NPR1: variants seen among roughly 807,000 people sequenced by gnomAD.
NPR1 encodes atrial natriuretic peptide receptor 1.
A neutral mutation model predicts 116.9 loss-of-function variants in NPR1; 57 were observed. The ratio of observed to expected loss-of-function variants is 0.49; its 90% confidence interval spans 0.39 to 0.61. The LOEUF (loss-of-function observed/expected upper bound fraction) is 0.61, where lower values mean the gene tolerates loss of function less well. Ranked by LOEUF, NPR1 falls within the 20% of genes least tolerant of loss-of-function variation. The pLI, the probability that NPR1 is intolerant of heterozygous loss-of-function variation, is 0.00. For synonymous variants in NPR1, 555 were observed against 601.6 expected (o/e 0.92, Z 1.13); for missense variants, 1,096 against 1,409.8 (o/e 0.78, Z 3.56).
At position 153,690,348 on chromosome 1, in the gene NPR1, C is replaced by A; in HGVS notation, c.2997C>A (p.Val999=). The change falls in exon 20 of 22, where the codon GTC becomes GTA. Residue 999 remains valine (V), a synonymous_variant. Transcript: ENST00000368680. ...GTTACTGTCTCTTTGGGGATACAGT[C>A]AACACAGCCTCAAGAATGGAGTCTA... ...MPRYCLFGDT[V]NTASRMESNG... The A allele has an allele frequency of 6.4e-7, 1 of 1,560,368 alleles. No individual in the cohort carries two copies. Among genetic ancestry groups the A allele is most frequent in the Non-Finnish European group, 8.7e-7 (1 of 1,150,840 alleles).
chr1:153,688,773 A>G (rs1315525037), intron 15 of NPR1, 180 bp from the exon 16 acceptor site: 2 of 676,188 alleles, frequency 3.0e-6, no homozygotes, highest in Non-Finnish European at 5.0e-6. Context: ...GGTCTCAGAA[A>G]AGAATTGAAC....
chr1:153,684,539 A>C (rs905114274), intron 7 of NPR1, among the ~76,000 whole-genome samples: 1 of 151,656 alleles, frequency 6.6e-6, no homozygotes, highest in Non-Finnish European at 1.5e-5. Flanking sequence ...CTACAGGCAC[A>C]TGCCACCACG....
At chr1:153,691,297 C>T (rs1379215618) in intron 20 of NPR1, among the ~76,000 whole-genome samples, 1 of 152,202 alleles carries the variant, frequency 6.6e-6, no homozygotes, top group African/African-American at 2.4e-5. Context: ...TCCTACCCGC[C>T]CCTTGCTCTT....
rs1670014940 is a variant in NPR1, at chr1:153,689,058, G to A, written c.2523G>A (p.Glu841=). 6.2e-7 allele frequency: 1 copy of A among 1,614,106 alleles called. No homozygotes were observed. The highest frequency in any genetic ancestry group is 1.1e-5 in the South Asian group (1 of 91,092). ...VEERTQAYLE[E]KRKAEALLYQ... is the part of the protein sequence containing the mutation. Reference sequence around the variant, plus strand: ...AGCGGACCCAGGCATACCTGGAGGAGAAGCGCAAGGCTGAGGCCCTGCTCT... The same window carrying A: ...AGCGGACCCAGGCATACCTGGAGGAAAAGCGCAAGGCTGAGGCCCTGCTCT... Residue 841 remains glutamate, a synonymous_variant, in exon 16 of 22, where the codon GAG becomes GAA. Coordinates refer to ENST00000368680, the MANE Select transcript of NPR1 (RefSeq NM_000906.4). The surrounding 1 kb of genome is among the most constrained non-coding windows in gnomAD (Gnocchi z 5.1).
At chr1:153,683,857 G>A (rs764600508) in intron 7 of NPR1, 33 bp downstream of exon 7, 21 of 1,594,796 alleles carry the variant, frequency 1.3e-5, no homozygotes, top group Admixed American at 1.0e-4. Flanking sequence ...GAGTGAGGCT[G>A]GGGGACCCGG....
Position 153,691,758 on chromosome 1 carries a change from G to T in NPR1, c.3032-1348G>T, listed in dbSNP as rs1358251512. Among the ~76,000 whole-genome samples the T allele has an allele frequency of 2.0e-5, 3 of 152,072 alleles. No individual in the cohort carries two copies. In the East Asian group the frequency reaches 5.8e-4, roughly 29 times the overall value. On this transcript the variant is annotated intron_variant, in intron 20 of 21. Transcript: ENST00000368680. Reference sequence around the variant, plus strand: ...ACTAAAAATACAAAAAATTAGCTGGGCGTGGTGGCACGTGCCCGTAATCCC... The same window carrying T: ...ACTAAAAATACAAAAAATTAGCTGGTCGTGGTGGCACGTGCCCGTAATCCC...
Position 153,680,759 on chromosome 1 carries a change from A to G in NPR1, c.921+59A>G, listed in dbSNP as rs61757349. ...AGCTTGTGGCACATCATTTCTGGGCACTGTGTCCCTCAGCGTCTGAAAGAA... is the reference window on the plus strand; with the variant it reads ...AGCTTGTGGCACATCATTTCTGGGCGCTGTGTCCCTCAGCGTCTGAAAGAA... On this transcript the variant is annotated intron_variant, in intron 2 of 21. Transcript: ENST00000368680. 8.2e-4 allele frequency: 1,131 copies of G among 1,380,264 alleles called. 3 individuals carry two copies. Among genetic ancestry groups the G allele is most frequent in the Non-Finnish European group, 1.0e-3 (1,036 of 999,410 alleles). The allele number at this position is 1,380,264 out of a possible 1,614,324, so 85.5% of individuals were successfully genotyped here. A position where few individuals can be genotyped will look rare whatever the true frequency, so the allele number is the denominator to read the frequency against.
At chr1:153,684,670 A>G (rs1669877340) in intron 7 of NPR1, among the ~76,000 whole-genome samples, 1 of 152,230 alleles carries the variant, frequency 6.6e-6, no homozygotes, top group South Asian at 2.1e-4. Context: ...GATTACAGGC[A>G]TGAGCCACTG....
chr1:153,687,475 C>G (rs1669963665), intron 13 of NPR1, 119 bp downstream of exon 13: 1 of 1,488,116 alleles, frequency 6.7e-7, no homozygotes, highest in Non-Finnish European at 9.1e-7. Flanking sequence ...ATTCATTCAC[C>G]CATGAAAAAG....
chr1:153,687,504 G>T, intron 13 of NPR1, 130 bp from the exon 14 acceptor site: 2 of 1,473,642 alleles, frequency 1.4e-6, no homozygotes, highest in Non-Finnish European at 1.8e-6. Flanking sequence ...AGACGAAGTG[G>T]TTTCTAAGGC....
Position 153,685,201 on chromosome 1 carries a change from G to A in NPR1, c.1605+117G>A, listed in dbSNP as rs61757358. On this transcript the variant is annotated intron_variant, in intron 8 of 21. Coordinates refer to ENST00000368680, the MANE Select transcript of NPR1 (RefSeq NM_000906.4). ...AGTCCCAGCTCTGCTTTCACTTGCT[G>A]TGTGACCTTGAGCGACTCATAGTCC... 5,173 of 1,383,882 alleles carry A rather than the reference G, an allele frequency of 3.7e-3. 159 individuals are homozygous for A. In the African/African-American group the frequency reaches 0.066, roughly 18 times the overall value. 85.7% of individuals were successfully genotyped at this position (1,383,882 alleles called of 1,614,324 possible).
Position 153,693,729 on chromosome 1 carries a change from T to C in NPR1, c.*315T>C, listed in dbSNP as rs1156505277. 7 of 406,296 alleles carry C rather than the reference T, an allele frequency of 1.7e-5. No homozygotes were observed. The highest frequency in any genetic ancestry group is 6.2e-5 in the African/African-American group (3 of 48,698). The allele number at this position is 406,296 out of a possible 1,614,324, so 25.2% of individuals were successfully genotyped here. ...GATTCCTGATCCCCTCCCCTCCCCA[T>C]GCTCTCCTCCCTCAGCCTTGCTACC... On this transcript the variant is annotated 3_prime_UTR_variant, in exon 22 of 22. Coordinates refer to ENST00000368680, the MANE Select transcript of NPR1 (RefSeq NM_000906.4).
chr1:153,681,985 T>A, intron 4 of NPR1, 146 bp downstream of exon 4: 1 of 913,950 alleles, frequency 1.1e-6, no homozygotes, highest in Non-Finnish European at 1.6e-6. Context: ...GGCCCATCCC[T>A]CAGAAGTCCT....
Position 153,689,985 on chromosome 1 carries a change from G to A in NPR1, c.2932+5G>A. On this transcript the variant is annotated splice_donor_5th_base_variant and intron_variant, in intron 19 of 21. Coordinates refer to ENST00000368680, the MANE Select transcript of NPR1 (RefSeq NM_000906.4). This position sits in a 1 kb window ranked among gnomAD's most constrained non-coding sequence, Gnocchi z 5.1. Reference sequence around the variant, plus strand: ...TGCGCATTGGCATCCACACAGGTAAGGCCACTGAAGGTGCAGGCGGGCATC... The same window carrying A: ...TGCGCATTGGCATCCACACAGGTAAAGCCACTGAAGGTGCAGGCGGGCATC... The A allele has an allele frequency of 6.6e-7, 1 of 1,504,108 alleles. No individual in the cohort carries two copies. Among genetic ancestry groups the A allele is most frequent in the Non-Finnish European group, 8.9e-7 (1 of 1,119,930 alleles). The allele number at this position is 1,504,108 out of a possible 1,614,324, so 93.2% of individuals were successfully genotyped here.
chr1:153,685,662 T>G lies in NPR1; in HGVS notation c.1606-144T>G, dbSNP rs1445586983. 1.5e-5 allele frequency: 10 copies of G among 663,314 alleles called. No homozygotes were observed. In the African/African-American group the frequency reaches 1.9e-4, roughly 13 times the overall value. 41.1% of individuals were successfully genotyped at this position (663,314 alleles called of 1,614,324 possible). Reference sequence around the variant, plus strand: ...CTGGATGACACAATGATACTACATCTCAAAAAAAAACCCAACAACAAAAAG... The same window carrying G: ...CTGGATGACACAATGATACTACATCGCAAAAAAAAACCCAACAACAAAAAG... On this transcript the variant is annotated intron_variant, in intron 8 of 21. Transcript: ENST00000368680.
In NPR1 at chr1:153,680,454, T is replaced by A. The variant is rs772032555; in HGVS notation, c.722-47T>A. On this transcript the variant is annotated intron_variant, in intron 1 of 21. Transcript: ENST00000368680. Reference sequence around the variant, plus strand: ...GCCCCAGCTTTCCTACTCCTGTCTCTCCCGCAGTACCTAGGCTTCTCTCTC... The same window carrying A: ...GCCCCAGCTTTCCTACTCCTGTCTCACCCGCAGTACCTAGGCTTCTCTCTC... 3.2e-6 allele frequency: 5 copies of A among 1,585,884 alleles called. No individual in the cohort carries two copies. The African/African-American group carries it at 5.4e-5, about 17-fold the overall frequency.
In NPR1 at chr1:153,685,786, C is replaced by T. The variant is rs1669909861; in HGVS notation, c.1606-20C>T. ...CTGGGCCCACCGGCTGACCATTCCT[C>T]CTGCTCTCCCTCCTTTCAGAGAGGC... On this transcript the variant is annotated intron_variant, in intron 8 of 21. Transcript: ENST00000368680. 1.2e-6 allele frequency: 2 copies of T among 1,609,234 alleles called. No homozygotes were observed. Among genetic ancestry groups the T allele is most frequent in the Middle Eastern group, 1.6e-4 (1 of 6,074 alleles).
Position 153,678,854 on chromosome 1 carries a change from C to A in NPR1, c.-255C>A. ...CACTCCCAGTTGTTCACACTCGGGT[C>A]CTCTCCAGCCCGACGTTCTCCTGGC... On this transcript the variant is annotated 5_prime_UTR_variant, in exon 1 of 22. Coordinates refer to ENST00000368680, the MANE Select transcript of NPR1 (RefSeq NM_000906.4). The surrounding 1 kb of genome is among the most constrained non-coding windows in gnomAD (Gnocchi z 5.8). 1 of 480,724 alleles carries A rather than the reference C, an allele frequency of 2.1e-6. No homozygotes were observed. The highest frequency in any genetic ancestry group is 3.6e-5 in the East Asian group (1 of 27,990). 29.8% of individuals were successfully genotyped at this position (480,724 alleles called of 1,614,324 possible). A position where few individuals can be genotyped will look rare whatever the true frequency, so the allele number is the denominator to read the frequency against.
Position 153,687,884 on chromosome 1 carries a change from T to A in NPR1, c.2248+95T>A, listed in dbSNP as rs1388063813. On this transcript the variant is annotated intron_variant, in intron 14 of 21. Coordinates refer to ENST00000368680, the MANE Select transcript of NPR1 (RefSeq NM_000906.4). ...CCTGGCAGCACCACCACACCTTCCT[T>A]CTGTAATGGGGTTCAGTCACCACCC... The A allele has an allele frequency of 2.2e-6, 3 of 1,333,966 alleles. No individual in the cohort carries two copies. In the East Asian group the frequency reaches 7.1e-5, roughly 31 times the overall value. 82.6% of individuals were successfully genotyped at this position (1,333,966 alleles called of 1,614,324 possible).
Sources: gnomAD v4.1 joint callset for allele counts (sites outside exome capture counted in the v4.1 genomes callset) on GRCh38, gnomAD v4.1.1 for gene constraint, Gnocchi (gnomAD v3.1) non-coding constraint, MANE v1.5 for transcripts, NCBI Gene and HGNC (gene_info 2026-07-23, HGNC 2026-07-21) for gene names.